KRABD5: variants seen among roughly 807,000 people sequenced by gnomAD.
KRABD5 encodes the protein KRAB domain-containing protein 5.
chr16:31,713,597 C>T, the KRABD5 span: 4 of 1,054,692 alleles, frequency 3.8e-6, no homozygotes, highest in South Asian at 4.9e-5. Context: ...GGCCGGCAGC[C>T]GGGACCCCGC....
the KRABD5 span, among the ~76,000 whole-genome samples, chr16:31,734,827 A>G: frequency 6.6e-6 from 1 of 150,954 alleles, no homozygotes; most frequent in East Asian, 2.0e-4. Flanking sequence ...GCTCACTGCA[A>G]CCTCTGCCTC....
At chr16:31,731,458 A>C in the KRABD5 span, among the ~76,000 whole-genome samples, 1 of 152,188 alleles carries the variant, frequency 6.6e-6, no homozygotes, top group Admixed American at 6.5e-5. Flanking sequence ...AGATGTGGAC[A>C]GGTGTGGCTC....
At chr16:31,760,757 T>C in the KRABD5 span, 1 of 152,230 alleles carries the variant, frequency 6.6e-6, no homozygotes, top group Non-Finnish European at 1.5e-5. Context: ...GAAAAGAATT[T>C]GCAAATGTGA....
the KRABD5 span, among the ~76,000 whole-genome samples, chr16:31,749,275 C>A: frequency 6.6e-6 from 1 of 152,216 alleles, no homozygotes; most frequent in Admixed American, 6.5e-5. Flanking sequence ...TTGTCAGGGA[C>A]ACATCTTGGG....
At chr16:31,729,872 G>A in the KRABD5 span, among the ~76,000 whole-genome samples, 1 of 151,310 alleles carries the variant, frequency 6.6e-6, no homozygotes, top group Non-Finnish European at 1.5e-5. Context: ...AGTTTAAGAT[G>A]ATAATTATCC....
At chr16:31,720,125 C>T in the KRABD5 span, among the ~76,000 whole-genome samples, 1,933 of 152,322 alleles carry the variant, frequency 0.013, 48 homozygotes, top group African/African-American at 0.043. Flanking sequence ...TGTGAGCACA[C>T]AGTACAAGCT....
At chr16:31,746,020 C>A in the KRABD5 span, among the ~76,000 whole-genome samples, 1 of 151,982 alleles carries the variant, frequency 6.6e-6, no homozygotes, top group Non-Finnish European at 1.5e-5. Context: ...TGTCTTTGCA[C>A]ATGAGATGGG....
chr16:31,759,164 A>G, the KRABD5 span: 1 of 514,566 alleles, frequency 1.9e-6, no homozygotes, highest in Non-Finnish European at 3.5e-6. Context: ...TTTTAGTCAT[A>G]ATAGCCCAAA....
chr16:31,736,009 A>G, the KRABD5 span, among the ~76,000 whole-genome samples: 4 of 152,256 alleles, frequency 2.6e-5, no homozygotes, highest in Admixed American at 6.5e-5. Flanking sequence ...CCCTGTTTTC[A>G]TCTAATAGTT....
chr16:31,761,180 A>G, the KRABD5 span: 10 of 152,136 alleles, frequency 6.6e-5, no homozygotes, highest in African/African-American at 1.4e-4. Context: ...CTCTGTATCC[A>G]TGCCCTTTGC....
chr16:31,726,144 G>C, the KRABD5 span, among the ~76,000 whole-genome samples: 1 of 152,064 alleles, frequency 6.6e-6, no homozygotes, highest in Non-Finnish European at 1.5e-5. Flanking sequence ...TTCTTTTTGA[G>C]TTCATTTTTG....
the KRABD5 span, among the ~76,000 whole-genome samples, chr16:31,725,786 C>T: frequency 6.6e-6 from 1 of 152,200 alleles, no homozygotes; most frequent in African/African-American, 2.4e-5. Flanking sequence ...CCCTGGAAGA[C>T]TTTCTAGTCA....
chr16:31,751,222 T>C, the KRABD5 span, among the ~76,000 whole-genome samples: 2 of 152,214 alleles, frequency 1.3e-5, no homozygotes, highest in Non-Finnish European at 2.9e-5. Context: ...TGTGTCTATG[T>C]TCATTAGAGA....
At chr16:31,757,899 G>A in the KRABD5 span, 2 of 150,508 alleles carry the variant, frequency 1.3e-5, no homozygotes, top group Non-Finnish European at 3.0e-5. Context: ...GATAGATGAA[G>A]CGATGTCTAA....
the KRABD5 span, among the ~76,000 whole-genome samples, chr16:31,730,581 T>G: frequency 6.6e-6 from 1 of 152,162 alleles, no homozygotes; most frequent in Admixed American, 6.5e-5. Context: ...TTATGAAACT[T>G]CTTGTTCATA....
At chr16:31,729,080 T>G in the KRABD5 span, among the ~76,000 whole-genome samples, 5 of 152,336 alleles carry the variant, frequency 3.3e-5, no homozygotes, top group African/African-American at 9.6e-5. Context: ...TTTTGTCTAA[T>G]GTAAGTATAG....
At chr16:31,746,730 C>T in the KRABD5 span, among the ~76,000 whole-genome samples, 3 of 152,134 alleles carry the variant, frequency 2.0e-5, no homozygotes, top group African/African-American at 7.2e-5. Flanking sequence ...TTTCCATTCT[C>T]CTCATGTTTT....
chr16:31,714,494 G>A, the KRABD5 span: 1 of 450,920 alleles, frequency 2.2e-6, no homozygotes, highest in Non-Finnish European at 4.4e-6. Context: ...CTATCCTGGG[G>A]TAGGTTTTAG....
chr16:31,758,079 C>G, the KRABD5 span: 3 of 152,112 alleles, frequency 2.0e-5, no homozygotes, highest in African/African-American at 7.2e-5. Context: ...GGTTTCTAAA[C>G]AACATTCATT....
Sources: gnomAD v4.1 joint callset for allele counts (sites outside exome capture counted in the v4.1 genomes callset) on GRCh38, gnomAD v4.1.1 for gene constraint, MANE v1.5 for transcripts, NCBI Gene and HGNC (gene_info 2026-07-23, HGNC 2026-07-21) for gene names.